MED12L: variants seen among roughly 807,000 people sequenced by gnomAD.
MED12L encodes mediator complex subunit 12L.
In MED12L, 60 loss-of-function variants were observed where a neutral mutation model predicts 281.3. The ratio of observed to expected loss-of-function variants is 0.21; its 90% CI spans 0.17 to 0.26. MED12L has a LOEUF of 0.26. Ranked by LOEUF, MED12L falls within the 10% of genes least tolerant of loss-of-function variation. The pLI, the probability that MED12L is intolerant of heterozygous loss-of-function variation, is 1.00. For missense variants in MED12L, 2,146 were observed against 2,680.9 expected, an observed-to-expected ratio of 0.80 and a Z score of 4.41; for synonymous variants, 974 against 987.2, an observed-to-expected ratio of 0.99 and a Z score of 0.25.
At chr3:151,337,858 C>CT (rs1751224967) in intron 16 of MED12L, 1 of 1,614,110 alleles carries the variant, frequency 6.2e-7, no homozygotes, top group South Asian at 1.1e-5. Flanking sequence ...CCATCCTGTT[C>CT]TTTTTTCCTA....
chr3:151,093,154 G>A (rs1445568230), intron 2 of MED12L, among the ~76,000 whole-genome samples: 1 of 152,192 alleles, frequency 6.6e-6, no homozygotes, highest in Non-Finnish European at 1.5e-5. Context: ...AAAAAATTCA[G>A]AAAGCCAGGT....
chr3:151,091,605 C>G (rs1221361368), intron 2 of MED12L, among the ~76,000 whole-genome samples: 1 of 152,222 alleles, frequency 6.6e-6, no homozygotes, highest in Non-Finnish European at 1.5e-5. Flanking sequence ...CCAACCCAGC[C>G]AAGATTTGGT....
At chr3:151,366,029 A>G (rs1316152043) in intron 23 of MED12L, 38 bp downstream of exon 23, 33 of 1,483,150 alleles carry the variant, frequency 2.2e-5, no homozygotes, top group Non-Finnish European at 2.7e-5. Flanking sequence ...GAACTGTGCA[A>G]TTAAATATTT....
chr3:151,378,247 T>G, intron 31 of MED12L, 74 bp downstream of exon 31: 1 of 1,400,270 alleles, frequency 7.1e-7, no homozygotes, highest in East Asian at 2.5e-5. Flanking sequence ...TGTAAACCTG[T>G]GTGGTCACTG....
At chr3:151,304,645 C>T (rs978514180) in intron 16 of MED12L, among the ~76,000 whole-genome samples, 7 of 151,748 alleles carry the variant, frequency 4.6e-5, no homozygotes, top group Admixed American at 2.6e-4. Context: ...ATGGTGGCAC[C>T]GTGGTGGAGT....
intron 16 of MED12L, among the ~76,000 whole-genome samples, chr3:151,286,785 C>CA (rs1191281996): frequency 1.8e-4 from 27 of 152,194 alleles, no homozygotes; most frequent in African/African-American, 6.3e-4. Flanking sequence ...GCAACACTTT[C>CA]ACTCTCAAAA....
At chr3:151,349,687 T>G (rs60116140) in intron 16 of MED12L, among the ~76,000 whole-genome samples, 4,175 of 152,276 alleles carry the variant, frequency 0.027, 181 homozygotes, top group African/African-American at 0.096. Flanking sequence ...TATGAAGAGA[T>G]AACATTTTCC....
At chr3:151,134,140 G>A (rs1438393101) in intron 5 of MED12L, among the ~76,000 whole-genome samples, 1 of 151,662 alleles carries the variant, frequency 6.6e-6, no homozygotes, top group Non-Finnish European at 1.5e-5. Context: ...GTTGTTTGGA[G>A]AAGCTTGTCA....
intron 4 of MED12L, among the ~76,000 whole-genome samples, chr3:151,125,522 C>G (rs185155568): frequency 4.6e-5 from 7 of 152,332 alleles, no homozygotes; most frequent in African/African-American, 1.4e-4. Context: ...AAGATAACTA[C>G]TAGTGGTGAC....
chr3:151,101,055 A>G (rs1300838057), intron 2 of MED12L, among the ~76,000 whole-genome samples: 2 of 152,208 alleles, frequency 1.3e-5, no homozygotes, highest in African/African-American at 2.4e-5. Context: ...AATTGCTGTA[A>G]AAGTTTTCAA....
intron 16 of MED12L, among the ~76,000 whole-genome samples, chr3:151,282,298 C>G (rs1313926644): frequency 6.6e-6 from 1 of 151,706 alleles, no homozygotes; most frequent in African/African-American, 2.4e-5. Flanking sequence ...TGAACATTTT[C>G]AATGAATTTA....
chr3:151,181,010 A>C (rs1394421409), intron 11 of MED12L, among the ~76,000 whole-genome samples: 1 of 152,140 alleles, frequency 6.6e-6, no homozygotes, highest in African/African-American at 2.4e-5. Flanking sequence ...AAATGATTTT[A>C]AATTCTTAAG....
At chr3:151,305,591 TTTAA>T (rs1330510950) in intron 16 of MED12L, among the ~76,000 whole-genome samples, 16 of 151,882 alleles carry the variant, frequency 1.1e-4, no homozygotes, top group African/African-American at 3.9e-4. Context: ...ATTCAGACAG[TTTAA>T]TTAAGTTGCC....
chr3:151,364,632 T>C (rs1222734235), intron 21 of MED12L, among the ~76,000 whole-genome samples: 1 of 152,208 alleles, frequency 6.6e-6, no homozygotes, highest in African/African-American at 2.4e-5. Context: ...AATAACACTT[T>C]TCAACAACTG....
At chr3:151,337,141 A>T (rs1751108771) in intron 16 of MED12L, 1 of 152,118 alleles carries the variant, frequency 6.6e-6, no homozygotes, top group Admixed American at 6.6e-5. Flanking sequence ...AGAATGTCAT[A>T]AAAGTAAGTC....
At position 151,277,209 on chromosome 3, in the gene MED12L, G is replaced by GT. The variant is rs1330337161; in HGVS notation, c.2251-72838dup. Among the ~76,000 whole-genome samples the GT allele has an allele frequency of 2.6e-3, 370 of 142,212 alleles. 2 individuals are homozygous for GT. The highest frequency in any genetic ancestry group is 0.011 in the East Asian group (53 of 4,902). 93.3% of individuals were successfully genotyped at this position (142,212 alleles called of 152,430 possible). A position where few individuals can be genotyped will look rare whatever the true frequency, so the allele number is the denominator to read the frequency against. ...GTGAGCCACCATGCCTGGCCTCCTT[G>GT]TTTTTTTTTTTTCCAGACATGACAA... On this transcript the variant is annotated intron_variant, in intron 16 of 44. Transcript: ENST00000687756.
intron 22 of MED12L, 56 bp downstream of exon 22, chr3:151,365,262 T>C: frequency 7.1e-7 from 1 of 1,411,044 alleles, no homozygotes; most frequent in East Asian, 2.3e-5. Flanking sequence ...GCCTTGGTGC[T>C]TCTTTGAAAT....
chr3:151,314,965 A>G (rs992066370), intron 16 of MED12L, among the ~76,000 whole-genome samples: 1 of 151,872 alleles, frequency 6.6e-6, no homozygotes. Flanking sequence ...TCTACTTTAA[A>G]CCCAAACTAC....
intron 16 of MED12L, among the ~76,000 whole-genome samples, chr3:151,240,068 C>T (rs1487386559): frequency 2.0e-5 from 3 of 151,328 alleles, no homozygotes; most frequent in Non-Finnish European, 4.4e-5. Context: ...TGTGTATGGC[C>T]ACCACCTGTG....
Sources: allele counts gnomAD v4.1 joint callset (sites outside exome capture counted in the v4.1 genomes callset), GRCh38; gene constraint gnomAD v4.1.1; transcripts MANE v1.5; gene names NCBI Gene and HGNC (gene_info 2026-07-23, HGNC 2026-07-21).